Variants in PAPPA2 observed in about 807,000 individuals in gnomAD.
The protein encoded by PAPPA2 is pappalysin 2, also known as pappalysin-2.
In PAPPA2, 86 loss-of-function variants were observed where a neutral mutation model predicts 176.4. The observed-to-expected ratio is 0.49, with a 90% CI of 0.41 to 0.58. The LOEUF (loss-of-function observed/expected upper bound fraction) is 0.58. Among genes scored for constraint, PAPPA2 ranks in the 20% least tolerant of loss-of-function variants. The probability of loss-of-function intolerance (pLI) is 0.00; values close to 1 mark genes in which losing one functional copy is unlikely to be tolerated. For missense variants in PAPPA2, 2,073 were observed against 2,256.9 expected (o/e 0.92, Z 1.65); for synonymous variants, 809 against 852.2 (o/e 0.95, Z 0.88).
At chr1:176,568,890 A>C (rs1466351854) in intron 2 of PAPPA2, among the ~76,000 whole-genome samples, 2 of 152,156 alleles carry the variant, frequency 1.3e-5, no homozygotes, top group Non-Finnish European at 2.9e-5. Context: ...AGCATTTTCA[A>C]ATACAAAGCA....
At chr1:176,554,932 G>A (rs1001873915) in intron 1 of PAPPA2, among the ~76,000 whole-genome samples, 2 of 152,026 alleles carry the variant, frequency 1.3e-5, no homozygotes, top group African/African-American at 4.8e-5. Flanking sequence ...TAAAAGGTTA[G>A]TGTGGGCTTA....
chr1:176,525,949 G>T (rs1039085443), intron 1 of PAPPA2, among the ~76,000 whole-genome samples: 2 of 152,150 alleles, frequency 1.3e-5, no homozygotes, highest in African/African-American at 4.8e-5. Context: ...GTAGAGGTGG[G>T]CTGCTAGGAT....
chr1:176,622,911 G>A (rs1655675837), intron 3 of PAPPA2, among the ~76,000 whole-genome samples: 1 of 152,192 alleles, frequency 6.6e-6, no homozygotes, highest in Non-Finnish European at 1.5e-5. Flanking sequence ...AGCGAATTCA[G>A]TGTCTGGTGA....
At position 176,566,156 on chromosome 1, in the gene PAPPA2, G is replaced by T. The variant is rs535189358; in HGVS notation, c.919+8915G>T. Among the ~76,000 whole-genome samples, 11 of 152,306 alleles carry T rather than the reference G, an allele frequency of 7.2e-5. No individual in the cohort carries two copies. In the East Asian group the frequency reaches 2.1e-3, roughly 29 times the overall value. ...TCACATAGCTGTGAACTTTCTCCTAGATTCCAGCTCTATGTCTGGCCCCAG... is the reference window on the plus strand; with the variant it reads ...TCACATAGCTGTGAACTTTCTCCTATATTCCAGCTCTATGTCTGGCCCCAG... On this transcript the variant is annotated intron_variant, in intron 2 of 22. Transcript: ENST00000367662.
chr1:176,690,417 C>G lies in PAPPA2; in HGVS notation c.2418C>G (p.Tyr806Ter), dbSNP rs532709260. Residue 806 changes from tyrosine to a stop codon, truncating the protein, a stop_gained, in exon 5 of 23, where the codon TAC (tyrosine) becomes TAG (stop). Transcript: ENST00000367662. LOFTEE classifies it high-confidence loss of function. ...TRFPGAPFTNYMSYTDDNCTD... is the reference protein window; with the variant it reads ...TRFPGAPFTN ...TCCCAGGGGCTCCGTTCACCAACTA[C>G]ATGAGCTACACGGGTATCACCACTG... 1 of 1,614,044 alleles carries G rather than the reference C, an allele frequency of 6.2e-7. No homozygotes were observed. Among genetic ancestry groups the G allele is most frequent in the Non-Finnish European group, 8.5e-7 (1 of 1,180,002 alleles).
chr1:176,810,261 A>G (rs1666091769), intron 21 of PAPPA2, among the ~76,000 whole-genome samples: 2 of 152,076 alleles, frequency 1.3e-5, no homozygotes, highest in Admixed American at 1.3e-4. Context: ...ATTCATCCAT[A>G]GAGCTCAGAT....
At chr1:176,791,166 G>A (rs1440921006) in intron 18 of PAPPA2, among the ~76,000 whole-genome samples, 181 bp from the exon 19 acceptor site, 4 of 117,710 alleles carry the variant, frequency 3.4e-5, no homozygotes, top group African/African-American at 6.9e-5. Context: ...CTTGGAAAAA[G>A]CAAAGAATTT....
intron 10 of PAPPA2, among the ~76,000 whole-genome samples, chr1:176,707,931 A>G (rs1660947873): frequency 6.6e-6 from 1 of 152,082 alleles, no homozygotes; most frequent in Non-Finnish European, 1.5e-5. Flanking sequence ...CCAAACTGTC[A>G]TGCTTCATGT....
intron 3 of PAPPA2, among the ~76,000 whole-genome samples, chr1:176,647,887 C>A (rs1275714790): frequency 6.6e-6 from 1 of 151,496 alleles, no homozygotes; most frequent in Admixed American, 6.6e-5. Context: ...AGGCCTCCAG[C>A]TTTGTTCCTT....
chr1:176,491,444 G>GA (rs896429712), intron 1 of PAPPA2, among the ~76,000 whole-genome samples: 5 of 152,132 alleles, frequency 3.3e-5, no homozygotes, highest in Non-Finnish European at 5.9e-5. Flanking sequence ...ATTTGCATGA[G>GA]AAAAAACACA....
chr1:176,568,954 G>GATAA (rs755415918), intron 2 of PAPPA2, among the ~76,000 whole-genome samples: 5 of 152,116 alleles, frequency 3.3e-5, no homozygotes, highest in South Asian at 2.1e-4. Context: ...GCACCCTCAG[G>GATAA]ATAAAGTTCA....
chr1:176,593,370 C>A (rs528845401), intron 2 of PAPPA2, among the ~76,000 whole-genome samples: 6 of 152,220 alleles, frequency 3.9e-5, no homozygotes, highest in Non-Finnish European at 8.8e-5. Flanking sequence ...GATGTTTACC[C>A]AGGTATCTGA....
chr1:176,567,093 A>T (rs758439605), intron 2 of PAPPA2, among the ~76,000 whole-genome samples: 3 of 152,194 alleles, frequency 2.0e-5, no homozygotes, highest in African/African-American at 7.2e-5. Flanking sequence ...GCATATTTCT[A>T]TGCTAAGTTT....
chr1:176,826,992 G>T (rs1309427309), intron 21 of PAPPA2, among the ~76,000 whole-genome samples: 1 of 152,206 alleles, frequency 6.6e-6, no homozygotes, highest in African/African-American at 2.4e-5. Flanking sequence ...TTAGAAAAGT[G>T]CATCATGATT....
intron 3 of PAPPA2, among the ~76,000 whole-genome samples, chr1:176,637,359 G>A (rs1656763680): frequency 6.6e-6 from 1 of 152,186 alleles, no homozygotes; most frequent in South Asian, 2.1e-4. Context: ...ACAGCTGGGT[G>A]CAGGATGGGT....
chr1:176,606,752 C>A (rs1654635671), intron 3 of PAPPA2, among the ~76,000 whole-genome samples: 1 of 152,196 alleles, frequency 6.6e-6, no homozygotes, highest in Non-Finnish European at 1.5e-5. Flanking sequence ...CATGAGCCAC[C>A]ATGCCTGGCT....
At chr1:176,494,711 G>A (rs1002978884) in intron 1 of PAPPA2, among the ~76,000 whole-genome samples, 3 of 152,118 alleles carry the variant, frequency 2.0e-5, no homozygotes, top group Admixed American at 6.6e-5. Context: ...CTGATAACAC[G>A]GCCTCCTCAT....
At chr1:176,705,294 A>C (rs1660831150) in intron 9 of PAPPA2, among the ~76,000 whole-genome samples, 1 of 152,182 alleles carries the variant, frequency 6.6e-6, no homozygotes, top group African/African-American at 2.4e-5. Flanking sequence ...CTCCACTTCC[A>C]GCTTGCCATT....
At chr1:176,762,713 C>A (rs1663754157) in intron 14 of PAPPA2, among the ~76,000 whole-genome samples, 1 of 152,112 alleles carries the variant, frequency 6.6e-6, no homozygotes, top group African/African-American at 2.4e-5. Context: ...ATTTTAGCTT[C>A]CTTATCAGAT....
Sources: gnomAD v4.1 joint callset for allele counts (sites outside exome capture counted in the v4.1 genomes callset) on GRCh38, gnomAD v4.1.1 for gene constraint, MANE v1.5 for transcripts, NCBI Gene and HGNC (gene_info 2026-07-23, HGNC 2026-07-21) for gene names.